EGFL6: variants seen among roughly 807,000 people sequenced by gnomAD.
EGFL6 encodes EGF like domain multiple 6.
In EGFL6, 42 loss-of-function variants were observed where a neutral mutation model predicts 43.1. That is an observed-to-expected ratio of 0.98 (90% CI 0.76 to 1.26). The LOEUF is 1.26. Among genes scored for constraint, EGFL6 ranks in the 50% most tolerant of loss-of-function variants. EGFL6 has a pLI of 0.00. For missense variants in EGFL6, 429 were observed against 427.8 expected (o/e 1.00, Z -0.02); for synonymous variants, 164 against 163.2 (o/e 1.01, Z -0.04).
At chrX:13,632,936 T>C (rs1208312249) in intron 11 of EGFL6, 49 bp from the exon 12 acceptor site, 4 of 1,103,573 alleles carry the variant, frequency 3.6e-6, no homozygotes, top group East Asian at 3.0e-5. Flanking sequence ...GATTATATCA[T>C]TGTTTTGAAC....
In EGFL6 at chrX:13,606,454, A is replaced by G; in HGVS notation, c.596A>G (p.Tyr199Cys). The change falls in exon 6 of 12, where the codon TAC becomes TGC. Residue 199 changes from tyrosine to cysteine, a missense_variant. Tyr to Cys is a radical substitution (Grantham distance 194). Transcript: ENST00000361306. ...TGTGTGAACACATTTGGAAGCTACT[A>G]CTGCAAATGTCACATTGGTTTCGAA... is the stretch of plus-strand genomic sequence containing the variant. The part of the protein sequence containing the change: ...RRCVNTFGSY[Y>C]CKCHIGFELQ... 3 of 1,209,498 alleles carry G rather than the reference A, an allele frequency of 2.5e-6. No homozygotes were observed. Among genetic ancestry groups the G allele is most frequent in the Non-Finnish European group, 3.4e-6 (3 of 893,379 alleles).
Sources: gnomAD v4.1 joint callset for allele counts on GRCh38, gnomAD v4.1.1 for gene constraint, MANE v1.5 for transcripts, NCBI Gene and HGNC (gene_info 2026-07-23, HGNC 2026-07-21) for gene names.